Variants in STK32A observed in about 807,000 individuals in gnomAD.
The protein encoded by STK32A is serine/threonine kinase 32A.
Under a neutral mutation model 53.2 loss-of-function variants are expected in STK32A, and 41 were observed. That is an observed-to-expected ratio of 0.77 (90% CI 0.60 to 1.00). The LOEUF (loss-of-function observed/expected upper bound fraction) is 1.00, where lower values mean the gene tolerates loss of function less well. STK32A is among the 50% of genes least tolerant of loss of function. STK32A has a pLI of 0.00. For synonymous variants in STK32A, 166 were observed against 162.8 expected (o/e 1.02, Z -0.15); for missense variants, 458 against 485.8 (o/e 0.94, Z 0.54).
the STK32A span, chr5:147,393,418 T>C: frequency 6.6e-6 from 1 of 152,326 alleles, no homozygotes; most frequent in African/African-American, 2.4e-5. Flanking sequence ...AAAATTTACT[T>C]GTAGGGGACG....
At chr5:147,363,187 A>T (rs1489127791) in intron 8 of STK32A, among the ~76,000 whole-genome samples, 2 of 152,210 alleles carry the variant, frequency 1.3e-5, no homozygotes, top group Admixed American at 6.5e-5. Flanking sequence ...TCCCATTCCA[A>T]CATTTCAAAA....
In STK32A at chr5:147,274,466, G is replaced by A. The variant is rs76739428; in HGVS notation, c.53-3658G>A. Among the ~76,000 whole-genome samples the A allele has an allele frequency of 2.6e-3, 395 of 152,290 alleles. 2 individuals are homozygous for A. Among genetic ancestry groups the A allele is most frequent in the South Asian group, 0.02 (95 of 4,826 alleles). ...ATGATCCAAGTAAAAGACTCAAGAA[G>A]TAAACACCACTAAGGTTAACTTTGC... On this transcript the variant is annotated intron_variant, in intron 2 of 12. Transcript: ENST00000397936.
In STK32A at chr5:147,384,555, A is replaced by G; in HGVS notation, c.*572A>G. ...GAGGGCCTTCCAGTGATATGCGTGA[A>G]TCAGCATTAGATCCGCTTATCTCAG... On this transcript the variant is annotated 3_prime_UTR_variant, in exon 13 of 13. Coordinates refer to ENST00000397936, the MANE Select transcript of STK32A (RefSeq NM_001112724.2). 1 of 803,982 alleles carries G rather than the reference A, an allele frequency of 1.2e-6. No individual in the cohort carries two copies. Among genetic ancestry groups the G allele is most frequent in the South Asian group, 1.8e-5 (1 of 54,418 alleles). 49.8% of individuals were successfully genotyped at this position (803,982 alleles called of 1,614,324 possible).
intron 11 of STK32A, among the ~76,000 whole-genome samples, chr5:147,376,572 G>C (rs1255307423): frequency 6.6e-6 from 1 of 152,112 alleles, no homozygotes; most frequent in Admixed American, 6.6e-5. Flanking sequence ...TACGTACCAT[G>C]CTCAACATGA....
intron 7 of STK32A, among the ~76,000 whole-genome samples, chr5:147,357,297 C>A (rs537114717): frequency 3.3e-4 from 50 of 152,134 alleles, no homozygotes; most frequent in African/African-American, 1.1e-3. Context: ...CAGTGCTACA[C>A]TATCAATATC....
intron 7 of STK32A, among the ~76,000 whole-genome samples, chr5:147,358,710 T>C (rs1371893015): frequency 6.6e-6 from 1 of 152,174 alleles, no homozygotes; most frequent in Non-Finnish European, 1.5e-5. Flanking sequence ...TTTAATTTAA[T>C]GGAATTTAAT....
At chr5:147,257,837 A>T (rs1754304535) in intron 2 of STK32A, among the ~76,000 whole-genome samples, 1 of 152,204 alleles carries the variant, frequency 6.6e-6, no homozygotes, top group South Asian at 2.1e-4. Flanking sequence ...AAAATGGAAG[A>T]TAAACCAAGT....
At chr5:147,301,641 C>A (rs1219370233) in intron 4 of STK32A, among the ~76,000 whole-genome samples, 1 of 152,036 alleles carries the variant, frequency 6.6e-6, no homozygotes, top group Non-Finnish European at 1.5e-5. Context: ...AAAATAAAAA[C>A]CTGTATTTCA....
chr5:147,282,952 G>A (rs185792439), intron 4 of STK32A, among the ~76,000 whole-genome samples: 127 of 152,246 alleles, frequency 8.3e-4, no homozygotes, highest in African/African-American at 3.0e-3. Flanking sequence ...GGATTTAACA[G>A]ATATATACAG....
chr5:147,384,000 T>C lies in STK32A; in HGVS notation c.*17T>C, dbSNP rs376530826. 430 of 1,594,242 alleles carry C rather than the reference T, an allele frequency of 2.7e-4. No homozygotes were observed. The highest frequency in any genetic ancestry group is 3.3e-4 in the Middle Eastern group (2 of 6,038). The stretch of plus-strand genomic sequence containing the variant: ...AACTTGTAAAGGCCTCATGTCTTCT[T>C]CTTGGGACAATCTCATGCCAGAAAC... On this transcript the variant is annotated 3_prime_UTR_variant, in exon 13 of 13. Coordinates refer to ENST00000397936, the MANE Select transcript of STK32A (RefSeq NM_001112724.2).
At chr5:147,293,387 A>G (rs997001442) in intron 4 of STK32A, among the ~76,000 whole-genome samples, 3 of 151,310 alleles carry the variant, frequency 2.0e-5, no homozygotes, top group African/African-American at 4.8e-5. Flanking sequence ...TTATTTGACA[A>G]TGCTTTCTGT....
At chr5:147,338,873 TA>T (rs1755267758) in intron 5 of STK32A, among the ~76,000 whole-genome samples, 1 of 152,222 alleles carries the variant, frequency 6.6e-6, no homozygotes, top group Non-Finnish European at 1.5e-5. Context: ...TGGGTGCTCT[TA>T]AAAACATTAA....
intron 6 of STK32A, among the ~76,000 whole-genome samples, chr5:147,349,802 T>G (rs1027622373): frequency 6.6e-6 from 1 of 152,036 alleles, no homozygotes; most frequent in South Asian, 2.1e-4. Flanking sequence ...GTGCTCTTTA[T>G]AGAATCCCTT....
intron 2 of STK32A, among the ~76,000 whole-genome samples, chr5:147,251,080 T>C (rs1753977207): frequency 6.6e-6 from 1 of 152,194 alleles, no homozygotes; most frequent in South Asian, 2.1e-4. Context: ...AATGGATTTT[T>C]TTAAGATGAG....
intron 2 of STK32A, among the ~76,000 whole-genome samples, chr5:147,260,179 CCTCTCTCTCTCCTCTCTCTCTCCTCT>C (rs1754466920): frequency 1.8e-4 from 2 of 11,118 alleles, no homozygotes; most frequent in Non-Finnish European, 3.6e-4. Context: ...CTCTCTCTCT[CCTCTCTCTCTCCTCTCTCTCTCCTCT>C]CTCTCTCCTC....
chr5:147,339,186 C>T (rs533197643), intron 5 of STK32A, among the ~76,000 whole-genome samples: 2 of 152,302 alleles, frequency 1.3e-5, no homozygotes, highest in African/African-American at 2.4e-5. Context: ...TTGCTGCTTT[C>T]GTAGTCTCAG....
chr5:147,256,504 T>A (rs1754242503), intron 2 of STK32A, among the ~76,000 whole-genome samples: 1 of 152,138 alleles, frequency 6.6e-6, no homozygotes, highest in Non-Finnish European at 1.5e-5. Context: ...AGTCTTTGTT[T>A]TTTTGTTGTT....
At chr5:147,303,097 T>G (rs1259897158) in intron 4 of STK32A, among the ~76,000 whole-genome samples, 2 of 152,164 alleles carry the variant, frequency 1.3e-5, no homozygotes, top group African/African-American at 4.8e-5. Context: ...TACATACACA[T>G]TTACACACAT....
At chr5:147,322,862 G>C (rs551707930) in intron 4 of STK32A, among the ~76,000 whole-genome samples, 1 of 152,216 alleles carries the variant, frequency 6.6e-6, no homozygotes, top group East Asian at 1.9e-4. Context: ...GCCCATGTCT[G>C]ATCCTGCCTA....
Sources: gnomAD v4.1 joint callset for allele counts (sites outside exome capture counted in the v4.1 genomes callset) on GRCh38, gnomAD v4.1.1 for gene constraint, MANE v1.5 for transcripts, NCBI Gene and HGNC (gene_info 2026-07-23, HGNC 2026-07-21) for gene names.